THSD7A: variants seen among roughly 807,000 people sequenced by gnomAD.
The protein encoded by THSD7A is thrombospondin type-1 domain-containing protein 7A.
In THSD7A, 96 loss-of-function variants were observed where a neutral mutation model predicts 231.3. The ratio of observed to expected loss-of-function variants is 0.41; its 90% confidence interval spans 0.35 to 0.49. The LOEUF is 0.49. Among genes scored for constraint, THSD7A ranks in the 20% least tolerant of loss-of-function variants. The pLI is 0.05. For missense variants in THSD7A, 2,290 were observed against 2,070.2 expected (o/e 1.11, Z -2.06); for synonymous variants, 940 against 743.3 (o/e 1.26, Z -4.30).
chr7:11,818,555 G>A (rs1359147541), intron 1 of THSD7A, among the ~76,000 whole-genome samples: 1 of 152,158 alleles, frequency 6.6e-6, no homozygotes, highest in Non-Finnish European at 1.5e-5. Context: ...TCAGCACAGT[G>A]GACCTTCACT....
intron 2 of THSD7A, among the ~76,000 whole-genome samples, chr7:11,631,040 G>A (rs1239282184): frequency 1.3e-5 from 2 of 152,164 alleles, no homozygotes; most frequent in Non-Finnish European, 2.9e-5. Flanking sequence ...TTCCCCAACA[G>A]CTACACTTCT....
intron 4 of THSD7A, among the ~76,000 whole-genome samples, chr7:11,561,869 T>C (rs1042317441): frequency 1.3e-5 from 2 of 150,882 alleles, no homozygotes; most frequent in Admixed American, 6.6e-5. Flanking sequence ...ATAAAATAAA[T>C]AAGAAACTGA....
At chr7:11,494,077 T>C (rs1348566912) in intron 6 of THSD7A, among the ~76,000 whole-genome samples, 1 of 151,970 alleles carries the variant, frequency 6.6e-6, no homozygotes, top group East Asian at 1.9e-4. Flanking sequence ...AGGAAGAAAA[T>C]AGTCTCTAAA....
intron 1 of THSD7A, among the ~76,000 whole-genome samples, chr7:11,650,392 A>G (rs894623356): frequency 1.3e-5 from 2 of 152,084 alleles, no homozygotes; most frequent in African/African-American, 4.8e-5. Context: ...TTCATTCCCC[A>G]TCTACAATGC....
intron 9 of THSD7A, among the ~76,000 whole-genome samples, chr7:11,467,760 T>C (rs543870660): frequency 2.5e-4 from 38 of 152,152 alleles, no homozygotes; most frequent in Non-Finnish European, 3.2e-4. Context: ...CCTCTATTTT[T>C]TCTTTCCTTT....
At chr7:11,427,159 A>G (rs906299467) in intron 14 of THSD7A, among the ~76,000 whole-genome samples, 1 of 152,236 alleles carries the variant, frequency 6.6e-6, no homozygotes, top group Non-Finnish European at 1.5e-5. Context: ...GACTGTTTTC[A>G]AGCCAATGCT....
intron 4 of THSD7A, among the ~76,000 whole-genome samples, chr7:11,574,426 G>C (rs933507195): frequency 2.0e-5 from 3 of 147,920 alleles, no homozygotes; most frequent in African/African-American, 7.5e-5. Flanking sequence ...ATAGAAAAGG[G>C]AAACAAAAAC....
At chr7:11,685,350 G>A (rs556179128) in intron 1 of THSD7A, among the ~76,000 whole-genome samples, 1 of 151,810 alleles carries the variant, frequency 6.6e-6, no homozygotes, top group South Asian at 2.1e-4. Context: ...AAAAGGAAAT[G>A]CAGCAAAAAC....
In THSD7A at chr7:11,636,511, A is replaced by T; in HGVS notation, c.641T>A (p.Leu214His). ...CACCACATGACGCGTCCGGTGCTGG[A>T]GCCCGCTGCCGCAGGTCTTGGAGCA... Reference protein sequence around the residue: ...SECSKTCGSGLQHRTRHVVAP... With the variant: ...SECSKTCGSGHQHRTRHVVAP... Residue 214 changes from leucine to histidine, a missense_variant, in exon 2 of 28, where the codon CTC becomes CAC. By Grantham distance (99) the Leu-to-His change is moderately conservative. Transcript: ENST00000423059. This position sits in a 1 kb window ranked among gnomAD's most constrained non-coding sequence, Gnocchi z 10.0. 1 of 1,613,902 alleles carries T rather than the reference A, an allele frequency of 6.2e-7. No homozygotes were observed. The highest frequency in any genetic ancestry group is 1.1e-5 in the South Asian group (1 of 91,080).
At chr7:11,812,589 T>C (rs1484795579) in intron 1 of THSD7A, among the ~76,000 whole-genome samples, 1 of 152,200 alleles carries the variant, frequency 6.6e-6, no homozygotes, top group Non-Finnish European at 1.5e-5. Context: ...AAAACACGTC[T>C]GTAATCATTT....
chr7:11,573,471 A>G (rs1423106742), intron 4 of THSD7A, among the ~76,000 whole-genome samples: 1 of 152,248 alleles, frequency 6.6e-6, no homozygotes, highest in Non-Finnish European at 1.5e-5. Context: ...GTGGCAAGAA[A>G]GAGCTCCCAG....
At chr7:11,592,904 C>A (rs770329739) in intron 3 of THSD7A, among the ~76,000 whole-genome samples, 49 of 152,172 alleles carry the variant, frequency 3.2e-4, no homozygotes, top group Admixed American at 8.5e-4. Flanking sequence ...CAGCCACGCT[C>A]AGTTGTTTAC....
intron 4 of THSD7A, among the ~76,000 whole-genome samples, chr7:11,543,987 T>C (rs900691681): frequency 6.6e-6 from 1 of 152,022 alleles, no homozygotes; most frequent in Non-Finnish European, 1.5e-5. Flanking sequence ...TATCTGTCTA[T>C]CTATCTATAT....
chr7:11,448,332 T>C (rs1785041403), intron 11 of THSD7A, among the ~76,000 whole-genome samples: 1 of 152,144 alleles, frequency 6.6e-6, no homozygotes, highest in African/African-American at 2.4e-5. Context: ...TAAAGCCCAC[T>C]TTCTCCCTAT....
chr7:11,438,336 T>G (rs1196898854), intron 13 of THSD7A, among the ~76,000 whole-genome samples: 1 of 152,062 alleles, frequency 6.6e-6, no homozygotes, highest in Non-Finnish European at 1.5e-5. Flanking sequence ...AGGTTTTTCC[T>G]CATTTGTAAT....
chr7:11,398,157 C>G (rs1483603218), intron 23 of THSD7A, among the ~76,000 whole-genome samples: 1 of 152,086 alleles, frequency 6.6e-6, no homozygotes, highest in Non-Finnish European at 1.5e-5. Flanking sequence ...CAATGATAGA[C>G]TGGATGAAGA....
intron 6 of THSD7A, among the ~76,000 whole-genome samples, chr7:11,540,898 G>C (rs1048652857): frequency 1.3e-5 from 2 of 152,166 alleles, no homozygotes; most frequent in Admixed American, 1.3e-4. Context: ...AGAGCAAAAG[G>C]TCGGTTCAGG....
At position 11,579,896 on chromosome 7, in the gene THSD7A, C is replaced by T. The variant is rs534366987; in HGVS notation, c.1453+10564G>A. Among the ~76,000 whole-genome samples, 12 of 152,224 alleles carry T rather than the reference C, an allele frequency of 7.9e-5. No homozygotes were observed. In the South Asian group the frequency reaches 2.5e-3, roughly 32 times the overall value. Reference sequence around the variant, plus strand: ...TTTCTGTTTCTCATCTTAAAGTAGTCATTCTCACTGGCTGTAATAGAGGAC... The same window carrying T: ...TTTCTGTTTCTCATCTTAAAGTAGTTATTCTCACTGGCTGTAATAGAGGAC... On this transcript the variant is annotated intron_variant, in intron 4 of 27. Coordinates refer to ENST00000423059, the MANE Select transcript of THSD7A (RefSeq NM_015204.3).
intron 1 of THSD7A, among the ~76,000 whole-genome samples, chr7:11,688,220 T>A (rs1193693481): frequency 1.8e-4 from 27 of 151,766 alleles, no homozygotes; most frequent in Admixed American, 1.8e-3. Flanking sequence ...ACCACGTCCC[T>A]ACAAAGGACA....
Sources: gnomAD v4.1 joint callset for allele counts (sites outside exome capture counted in the v4.1 genomes callset) on GRCh38, gnomAD v4.1.1 for gene constraint, Gnocchi (gnomAD v3.1) non-coding constraint, MANE v1.5 for transcripts, NCBI Gene and HGNC (gene_info 2026-07-23, HGNC 2026-07-21) for gene names.